Variants in ZNF182 observed in about 807,000 individuals in gnomAD.
ZNF182 encodes zinc finger protein 182.
In ZNF182, 10 loss-of-function variants were observed where a neutral mutation model predicts 28.1. The observed-to-expected ratio is 0.36, with a 90% confidence interval of 0.22 to 0.60. The LOEUF is 0.60. ZNF182 is among the 20% of genes least tolerant of loss of function. The pLI is 0.75. For missense variants in ZNF182, 352 were observed against 453.2 expected (o/e 0.78, Z 2.03); for synonymous variants, 156 against 158.7 (o/e 0.98, Z 0.13).
In ZNF182 at chrX:47,975,991, A is replaced by C; in HGVS notation, c.*176T>G. 2.3e-6 allele frequency: 1 copy of C among 434,650 alleles called. No individual in the cohort carries two copies. Among genetic ancestry groups the C allele is most frequent in the East Asian group, 4.2e-5 (1 of 23,852 alleles). The allele number at this position is 434,650 out of a possible 1,213,427, so 35.8% of individuals were successfully genotyped here. On this transcript the variant is annotated 3_prime_UTR_variant, in exon 6 of 6. Transcript: ENST00000376943. ...GCTGTCTCCTAATTTTGTCAGATAC[A>C]GAGATTACACTTCTGCTTTTTCTCC...
chrX:47,992,988 C>T (rs1356748747), intron 3 of ZNF182, among the ~76,000 whole-genome samples: 1 of 112,691 alleles, frequency 8.9e-6, no homozygotes, highest in Non-Finnish European at 1.9e-5. Flanking sequence ...TTTGTAAACA[C>T]CCACAACCAC....
rs2058878879 is a variant in ZNF182 at position 47,975,342 on chromosome X, TGTGA to T, written c.*821_*824del. ...CTGTATGTTCATCATTTTGTACATG[TGTGA>T]GTATGTACATTCCTAGAAGTGGAAT... On this transcript the variant is annotated 3_prime_UTR_variant, in exon 6 of 6. Transcript: ENST00000376943. 8.9e-6 allele frequency: 1 copy of T among 112,219 alleles called. No individual in the cohort carries two copies. The highest frequency in any genetic ancestry group is 4.6e-3 in the Middle Eastern group (1 of 219). The allele number at this position is 112,219 out of a possible 1,213,427, so 9.2% of individuals were successfully genotyped here.
At chrX:47,996,659 T>A (rs782149654) in intron 3 of ZNF182, among the ~76,000 whole-genome samples, 1 of 112,291 alleles carries the variant, frequency 8.9e-6, no homozygotes, top group Non-Finnish European at 1.9e-5. Flanking sequence ...AATTCATACA[T>A]TGAAGCCCCA....
chrX:47,983,731 T>A lies in ZNF182; in HGVS notation c.16-320A>T, dbSNP rs140689169. Among the ~76,000 whole-genome samples, 691 of 111,996 alleles carry A rather than the reference T, an allele frequency of 6.2e-3. 8 individuals carry two copies. Among genetic ancestry groups the A allele is most frequent in the African/African-American group, 0.021 (655 of 30,883 alleles). Reference sequence around the variant, plus strand: ...GCACAGTAAAGCAGTAGGGAGAAGATGACCTTTTCAATAGATGTGGATGGG... The same window carrying A: ...GCACAGTAAAGCAGTAGGGAGAAGAAGACCTTTTCAATAGATGTGGATGGG... On this transcript the variant is annotated intron_variant, in intron 3 of 5. Coordinates refer to ENST00000376943, the MANE Select transcript of ZNF182 (RefSeq NM_001007088.2).
rs1556898139 is a variant in ZNF182 at position 47,976,488 on chromosome X, C to T, written c.1542G>A (p.Gln514=). Reference sequence around the variant, plus strand: ...AAGGTTTCTCTCCTGTATGAATTCTCTGATGTATAATGAGCTTTGACTTTT... The same window carrying T: ...AAGGTTTCTCTCCTGTATGAATTCTTTGATGTATAATGAGCTTTGACTTTT... ...FREKSKLIIH[Q]RIHTGEKPYE... Residue 514 remains glutamine (Q), a synonymous_variant, in exon 6 of 6, where the codon CAG becomes CAA. Transcript: ENST00000376943. The T allele has an allele frequency of 8.3e-7, 1 of 1,210,144 alleles. No homozygotes were observed. The highest frequency in any genetic ancestry group is 1.1e-6 in the Non-Finnish European group (1 of 895,050).
Position 48,000,925 on chromosome X carries a change from A to G in ZNF182, c.15+1670T>C, listed in dbSNP as rs147805008. On this transcript the variant is annotated intron_variant, in intron 3 of 5. Transcript: ENST00000376943. ...GAAACTTTTGAACAGACATTCATCA[A>G]GAGGATAGACCAAAAATAAATAAGC... Among the ~76,000 whole-genome samples, 7 of 112,409 alleles carry G rather than the reference A, an allele frequency of 6.2e-5. No homozygotes were observed. The East Asian group carries it at 2.0e-3, about 31-fold the overall frequency.
intron 3 of ZNF182, among the ~76,000 whole-genome samples, chrX:47,984,659 T>G (rs1177796103): frequency 8.9e-6 from 1 of 111,853 alleles, no homozygotes; most frequent in Non-Finnish European, 1.9e-5. Context: ...TTTTTAACCT[T>G]GGGTTAGACA....
At chrX:47,999,603 A>G (rs1556901637) in intron 3 of ZNF182, among the ~76,000 whole-genome samples, 1 of 111,370 alleles carries the variant, frequency 9.0e-6, no homozygotes. Context: ...CAGATACAGA[A>G]GTACAGCTGG....
intron 3 of ZNF182, among the ~76,000 whole-genome samples, chrX:47,991,941 G>A (rs782660431): frequency 9.0e-6 from 1 of 111,676 alleles, no homozygotes; most frequent in African/African-American, 3.3e-5. Context: ...CTGGAGCCTT[G>A]CTGACAATAA....
intron 3 of ZNF182, among the ~76,000 whole-genome samples, chrX:47,984,641 A>C (rs781822118): frequency 8.0e-4 from 90 of 112,041 alleles, no homozygotes; most frequent in African/African-American, 2.8e-3. Context: ...CGAAGATTGA[A>C]GAAACTCTTT....
At chrX:47,997,416 A>G (rs1201300941) in intron 3 of ZNF182, among the ~76,000 whole-genome samples, 1 of 111,087 alleles carries the variant, frequency 9.0e-6, no homozygotes, top group African/African-American at 3.3e-5. Flanking sequence ...TAACCAAAGA[A>G]GACTGGAGTG....
At chrX:47,988,606 C>G in intron 3 of ZNF182, 3 of 465,207 alleles carry the variant, frequency 6.4e-6, no homozygotes, top group Non-Finnish European at 7.7e-6. Flanking sequence ...GCTTCTTGTA[C>G]AGCTTGCAGG....
intron 3 of ZNF182, among the ~76,000 whole-genome samples, chrX:47,988,972 A>C (rs1374443448): frequency 8.9e-6 from 1 of 112,497 alleles, no homozygotes; most frequent in Non-Finnish European, 1.9e-5. Flanking sequence ...AATGGATAAT[A>C]ATACTAATTG....
chrX:47,976,017 C>T lies in ZNF182; in HGVS notation c.*150G>A, dbSNP rs868930978. 50 of 565,800 alleles carry T rather than the reference C, an allele frequency of 8.8e-5. No individual in the cohort carries two copies. In the South Asian group the frequency reaches 1.4e-3, roughly 16 times the overall value. 46.6% of individuals were successfully genotyped at this position (565,800 alleles called of 1,213,427 possible). A position where few individuals can be genotyped will look rare whatever the true frequency, so the allele number is the denominator to read the frequency against. Reference sequence around the variant, plus strand: ...GAGATTACACTTCTGCTTTTTCTCCCGTAGCTTTTGGGTTATGACTGAGAT... The same window carrying T: ...GAGATTACACTTCTGCTTTTTCTCCTGTAGCTTTTGGGTTATGACTGAGAT... On this transcript the variant is annotated 3_prime_UTR_variant, in exon 6 of 6. Transcript: ENST00000376943.
At chrX:47,979,864 G>GT (rs1466703540) in intron 5 of ZNF182, among the ~76,000 whole-genome samples, 4 of 68,113 alleles carry the variant, frequency 5.9e-5, no homozygotes, top group African/African-American at 2.1e-4. Flanking sequence ...AAGTGTGTGT[G>GT]GGGTGTGTGT....
At position 47,999,090 on chromosome X, in the gene ZNF182, G is replaced by A. The variant is rs949804059; in HGVS notation, c.15+3505C>T. 3.6e-5 allele frequency among the ~76,000 whole-genome samples: 4 copies of A among 111,184 alleles called. No individual in the cohort carries two copies. In the Admixed American group the frequency reaches 3.8e-4, roughly 11 times the overall value. On this transcript the variant is annotated intron_variant, in intron 3 of 5. Coordinates refer to ENST00000376943, the MANE Select transcript of ZNF182 (RefSeq NM_001007088.2). The stretch of plus-strand genomic sequence containing the variant: ...ATATCATTCAGCCTTTAAAAAGAAG[G>A]AAATTCAGGCCGGGAGCGGTGGCTC...
chrX:47,996,770 CA>C (rs782197724), intron 3 of ZNF182, among the ~76,000 whole-genome samples: 3 of 111,248 alleles, frequency 2.7e-5, no homozygotes, highest in African/African-American at 9.8e-5. Context: ...AACTGGTGTA[CA>C]TATAAGAGAA....
Position 47,977,293 on chromosome X carries a change from G to A in ZNF182, c.737C>T (p.Thr246Ile), listed in dbSNP as rs1398971425. Residue 246 changes from threonine to isoleucine, a missense_variant, in exon 6 of 6, where the codon ACC becomes ATC. By Grantham distance (89) the Thr-to-Ile change is moderately conservative. Coordinates refer to ENST00000376943, the MANE Select transcript of ZNF182 (RefSeq NM_001007088.2). ...TTGGCTAAAAGCTTTTCCACATTCGGTACATCCAAAAGGTTTCTCTCCCGT... is the reference window on the plus strand; with the variant it reads ...TTGGCTAAAAGCTTTTCCACATTCGATACATCCAAAAGGTTTCTCTCCCGT... ...THTGEKPFGC[T>I]ECGKAFSQKS... The A allele has an allele frequency of 1.7e-6, 2 of 1,209,209 alleles. No homozygotes were observed. The highest frequency in any genetic ancestry group is 5.9e-5 in the East Asian group (2 of 33,756).
At position 47,975,532 on chromosome X, in the gene ZNF182, C is replaced by G. The variant is rs1332903416; in HGVS notation, c.*635G>C. On this transcript the variant is annotated 3_prime_UTR_variant, in exon 6 of 6. Transcript: ENST00000376943. ...GCAGATCAGTTTTTTTTTTTTTTGA[C>G]AACTGAGAATTTTTTCCCCCCACAG... 9.6e-6 allele frequency: 1 copy of G among 104,253 alleles called. No individual in the cohort carries two copies. Among genetic ancestry groups the G allele is most frequent in the East Asian group, 3.0e-4 (1 of 3,375 alleles). 8.6% of individuals were successfully genotyped at this position (104,253 alleles called of 1,213,427 possible).
Sources: allele counts gnomAD v4.1 joint callset (sites outside exome capture counted in the v4.1 genomes callset), GRCh38; gene constraint gnomAD v4.1.1; transcripts MANE v1.5; gene names NCBI Gene and HGNC (gene_info 2026-07-23, HGNC 2026-07-21).